Variants in TMEM132B observed in about 807,000 individuals in gnomAD.
TMEM132B encodes the protein transmembrane protein 132B.
Under a neutral mutation model 90.8 loss-of-function variants are expected in TMEM132B, and 18 were observed. The ratio of observed to expected loss-of-function variants is 0.20; its 90% CI spans 0.14 to 0.29. The LOEUF is 0.29. Ranked by LOEUF, TMEM132B falls within the 10% of genes least tolerant of loss-of-function variation. The pLI is 1.00. For synonymous variants in TMEM132B, 504 were observed against 523.3 expected (o/e 0.96, Z 0.50); for missense variants, 1,096 against 1,326.8 (o/e 0.83, Z 2.70).
rs914977215 is a variant in TMEM132B, at chr12:125,347,869, A to G, written c.68-1583A>G. On this transcript the variant is annotated intron_variant, in intron 1 of 8. Coordinates refer to ENST00000682704, the MANE Select transcript of TMEM132B (RefSeq NM_001366854.1). ...GAAACATGCTAAGAAACACACATAC[A>G]TGTATGTACTCATGTGTACATGTTT... is the stretch of plus-strand genomic sequence containing the variant. Among the ~76,000 whole-genome samples the G allele has an allele frequency of 2.0e-5, 3 of 152,352 alleles. No individual in the cohort carries two copies. The East Asian group carries it at 5.8e-4, about 29-fold the overall frequency.
intron 3 of TMEM132B, among the ~76,000 whole-genome samples, chr12:125,432,640 T>C (rs1880575969): frequency 6.6e-6 from 1 of 150,794 alleles, no homozygotes; most frequent in African/African-American, 2.4e-5. Context: ...CTGTTGTTTA[T>C]GAGCATTACT....
intron 2 of TMEM132B, among the ~76,000 whole-genome samples, chr12:125,391,118 A>G (rs995652487): frequency 1.3e-5 from 2 of 151,388 alleles, no homozygotes; most frequent in African/African-American, 4.9e-5. Flanking sequence ...ATGTGGTGTT[A>G]GGAGATTGTG....
At chr12:125,192,912 A>G (rs1872830524) in intron 1 of TMEM132B, among the ~76,000 whole-genome samples, 1 of 152,196 alleles carries the variant, frequency 6.6e-6, no homozygotes, top group Admixed American at 6.5e-5. Context: ...CATCTGTAAA[A>G]TGGGCGCCGA....
At chr12:125,488,630 A>G (rs1882267285) in intron 3 of TMEM132B, among the ~76,000 whole-genome samples, 1 of 152,160 alleles carries the variant, frequency 6.6e-6, no homozygotes, top group Admixed American at 6.5e-5. Context: ...CATGATTGTG[A>G]GGCCTCCCCA....
intron 5 of TMEM132B, among the ~76,000 whole-genome samples, chr12:125,641,512 A>G (rs962376812): frequency 6.6e-6 from 1 of 152,226 alleles, no homozygotes. Flanking sequence ...AAATGGAGGC[A>G]TACACTTTTT....
At chr12:125,595,938 C>CT (rs1037182752) in intron 5 of TMEM132B, among the ~76,000 whole-genome samples, 9 of 149,328 alleles carry the variant, frequency 6.0e-5, no homozygotes, top group African/African-American at 2.2e-4. Context: ...GTTAAGATTA[C>CT]TTTTCACAGA....
intron 3 of TMEM132B, among the ~76,000 whole-genome samples, chr12:125,454,374 CCG>C (rs1881232060): frequency 7.2e-6 from 1 of 138,156 alleles, no homozygotes; most frequent in African/African-American, 3.0e-5. Flanking sequence ...CTACAGCCAG[CCG>C]TGTGTGTGTG....
chr12:125,409,540 G>A (rs1033981507), intron 2 of TMEM132B, among the ~76,000 whole-genome samples: 2 of 152,038 alleles, frequency 1.3e-5, no homozygotes, highest in Admixed American at 6.5e-5. Flanking sequence ...AGTGCCAAGT[G>A]GGGTGCTTGG....
intron 4 of TMEM132B, among the ~76,000 whole-genome samples, chr12:125,549,508 C>G (rs1019749520): frequency 6.6e-6 from 1 of 152,218 alleles, no homozygotes; most frequent in Non-Finnish European, 1.5e-5. Context: ...TCAGGTCTCT[C>G]TGCTCACTGG....
intron 2 of TMEM132B, among the ~76,000 whole-genome samples, chr12:125,377,390 T>C (rs1878526077): frequency 6.6e-6 from 1 of 151,614 alleles, no homozygotes; most frequent in South Asian, 2.1e-4. Context: ...AAGGTGGAGG[T>C]GAAGTAGAGG....
intron 3 of TMEM132B, among the ~76,000 whole-genome samples, chr12:125,475,481 G>A (rs567545643): frequency 1.6e-4 from 24 of 152,120 alleles, no homozygotes; most frequent in Non-Finnish European, 2.9e-4. Context: ...GTTGGCCAAG[G>A]CAGACCCAGC....
In TMEM132B at chr12:125,450,606, A is replaced by G. The variant is rs559024312; in HGVS notation, c.1106+34929A>G. 7.2e-5 allele frequency among the ~76,000 whole-genome samples: 11 copies of G among 152,342 alleles called. No homozygotes were observed. The South Asian group carries it at 2.3e-3, about 32-fold the overall frequency. On this transcript the variant is annotated intron_variant, in intron 3 of 8. Transcript: ENST00000682704. Reference sequence around the variant, plus strand: ...GGCATTGAAAAAACCCCAGAATTTTAACATCAGCATAAATAAAGATTGTGT... The same window carrying G: ...GGCATTGAAAAAACCCCAGAATTTTGACATCAGCATAAATAAAGATTGTGT...
intron 5 of TMEM132B, chr12:125,622,500 T>C: frequency 1.0e-6 from 1 of 985,384 alleles, no homozygotes; most frequent in Non-Finnish European, 1.2e-6. Flanking sequence ...GGACTCACAG[T>C]CAAGAAAGGT....
intron 2 of TMEM132B, among the ~76,000 whole-genome samples, chr12:125,386,656 T>C (rs1472866297): frequency 1.3e-5 from 2 of 152,136 alleles, no homozygotes; most frequent in Admixed American, 6.5e-5. Flanking sequence ...GACAGGCATA[T>C]CCAAAGAGCC....
rs201828438 is a variant in TMEM132B, at chr12:125,332,583, C to CTTTTTTTTT, written c.68-16842_68-16834dup. On this transcript the variant is annotated intron_variant, in intron 1 of 8. Coordinates refer to ENST00000682704, the MANE Select transcript of TMEM132B (RefSeq NM_001366854.1). ...CTGAGAAATTAATTCAGAGAGTTGG[C>CTTTTTTTTT]TTTTTTTTTTTTTTTTTTTTTTTTT... Among the ~76,000 whole-genome samples the CTTTTTTTTT allele has an allele frequency of 5.7e-5, 3 of 52,416 alleles. 1 individual carries two copies. Among genetic ancestry groups the CTTTTTTTTT allele is most frequent in the East Asian group, 6.5e-4 (1 of 1,536 alleles). The allele number at this position is 52,416 out of a possible 152,430, so 34.4% of individuals were successfully genotyped here. A position where few individuals can be genotyped will look rare whatever the true frequency, so the allele number is the denominator to read the frequency against.
chr12:125,612,178 A>T (rs1386124904), intron 5 of TMEM132B, among the ~76,000 whole-genome samples: 2 of 152,084 alleles, frequency 1.3e-5, no homozygotes, highest in African/African-American at 2.4e-5. Flanking sequence ...TTAATTTTTT[A>T]AAAAATGACC....
At chr12:125,347,249 C>T (rs1441846404) in intron 1 of TMEM132B, among the ~76,000 whole-genome samples, 1 of 152,120 alleles carries the variant, frequency 6.6e-6, no homozygotes, top group African/African-American at 2.4e-5. Context: ...TTTTACATGC[C>T]ACAATGCTGG....
Position 125,392,481 on chromosome 12 carries a change from G to A in TMEM132B, c.960-23050G>A, listed in dbSNP as rs1375244708. Among the ~76,000 whole-genome samples, 6 of 152,236 alleles carry A rather than the reference G, an allele frequency of 3.9e-5. No individual in the cohort carries two copies. The East Asian group carries it at 9.6e-4, about 24-fold the overall frequency. ...GGTCTCAAAGAGGCTAAAATAACTA[G>A]CGTTGGGCTACGCAGGTAGAAAGTG... On this transcript the variant is annotated intron_variant, in intron 2 of 8. Transcript: ENST00000682704.
chr12:125,505,614 G>T (rs1162781650), intron 3 of TMEM132B, among the ~76,000 whole-genome samples: 1 of 151,752 alleles, frequency 6.6e-6, no homozygotes, highest in Non-Finnish European at 1.5e-5. Flanking sequence ...CAGGAGAATC[G>T]CATGAACCGG....
Sources: gnomAD v4.1 joint callset for allele counts (sites outside exome capture counted in the v4.1 genomes callset) on GRCh38, gnomAD v4.1.1 for gene constraint, MANE v1.5 for transcripts, NCBI Gene and HGNC (gene_info 2026-07-23, HGNC 2026-07-21) for gene names.